Variants in DIP2B observed in about 807,000 individuals in gnomAD.
The protein encoded by DIP2B is DIP2 acetate--CoA ligase B (putative).
A neutral mutation model predicts 198.0 loss-of-function variants in DIP2B; 76 were observed. The observed-to-expected ratio is 0.38, with a 90% CI of 0.32 to 0.46. DIP2B has a LOEUF of 0.46. Ranked by LOEUF, DIP2B falls within the 20% of genes least tolerant of loss-of-function variation. The pLI is 0.99. For synonymous variants in DIP2B, 701 were observed against 739.1 expected, an observed-to-expected ratio of 0.95 and a Z score of 0.84; for missense variants, 1,559 against 1,978.4, an observed-to-expected ratio of 0.79 and a Z score of 4.02.
chr12:50,718,945 A>G lies in DIP2B; in HGVS notation c.2962-10A>G. The G allele has an allele frequency of 6.2e-7, 1 of 1,614,098 alleles. No homozygotes were observed. The highest frequency in any genetic ancestry group is 8.5e-7 in the Non-Finnish European group (1 of 1,180,008). ...TGACCCTGAGTCCTTTTTCTGGTTT[A>G]TGACTTCAGCACCAGTTTCTGGCAG... is the stretch of plus-strand genomic sequence containing the variant. On this transcript the variant is annotated splice_polypyrimidine_tract_variant and intron_variant, in intron 24 of 37. Coordinates refer to ENST00000301180, the MANE Select transcript of DIP2B (RefSeq NM_173602.3).
At chr12:50,578,586 C>G (rs1958684957) in intron 1 of DIP2B, among the ~76,000 whole-genome samples, 1 of 146,178 alleles carries the variant, frequency 6.8e-6, no homozygotes, top group Non-Finnish European at 1.5e-5. Context: ...CGGCTCACTG[C>G]AAGCTCGGCC....
At chr12:50,572,176 T>A (rs2139409041) in intron 1 of DIP2B, among the ~76,000 whole-genome samples, 1 of 152,340 alleles carries the variant, frequency 6.6e-6, no homozygotes, top group African/African-American at 2.4e-5. Flanking sequence ...TTTTACTTTA[T>A]CCTCATGTGT....
intron 4 of DIP2B, among the ~76,000 whole-genome samples, chr12:50,670,267 T>C (rs975336927): frequency 2.6e-5 from 4 of 151,936 alleles, no homozygotes; most frequent in Admixed American, 6.6e-5. Flanking sequence ...ACTGATGCTG[T>C]GCCTTCTCCT....
In DIP2B at chr12:50,727,683, GT is replaced by G. The variant is rs770516758; in HGVS notation, c.3401-14del. On this transcript the variant is annotated intron_variant, in intron 28 of 37. Coordinates refer to ENST00000301180, the MANE Select transcript of DIP2B (RefSeq NM_173602.3). Reference sequence around the variant, plus strand: ...TTCCAGCATGTTGGATTGACATCAGGTTTTTTCTTTTCATGGCAGATGATTT... The same window carrying G: ...TTCCAGCATGTTGGATTGACATCAGGTTTTTCTTTTCATGGCAGATGATTT... 26 of 1,605,746 alleles carry G rather than the reference GT, an allele frequency of 1.6e-5. 1 individual carries two copies. The highest frequency in any genetic ancestry group is 5.0e-5 in the Admixed American group (3 of 59,870).
At chr12:50,614,904 A>C (rs751063858) in intron 1 of DIP2B, among the ~76,000 whole-genome samples, 23 of 152,232 alleles carry the variant, frequency 1.5e-4, no homozygotes, top group Non-Finnish European at 3.2e-4. Flanking sequence ...TTTCCAGAGC[A>C]GTATGAATTG....
intron 17 of DIP2B, among the ~76,000 whole-genome samples, chr12:50,698,024 AG>A (rs1249491420): frequency 6.6e-6 from 1 of 151,988 alleles, no homozygotes; most frequent in Non-Finnish European, 1.5e-5. Context: ...CCTCCCAAGT[AG>A]CTGGGACTAC....
At chr12:50,558,059 A>G (rs764490700) in intron 1 of DIP2B, among the ~76,000 whole-genome samples, 104 of 150,110 alleles carry the variant, frequency 6.9e-4, no homozygotes, top group Non-Finnish European at 1.4e-3. Context: ...TGTCAACACA[A>G]TGCAATATAA....
At chr12:50,706,771 G>A in intron 21 of DIP2B, 106 bp downstream of exon 21, 1 of 1,350,516 alleles carries the variant, frequency 7.4e-7, no homozygotes, top group Non-Finnish European at 1.0e-6. Flanking sequence ...CAAGTGATCA[G>A]ATTGTTTTTG....
chr12:50,562,629 A>G (rs1218452513), intron 1 of DIP2B, among the ~76,000 whole-genome samples: 1 of 151,774 alleles, frequency 6.6e-6, no homozygotes, highest in East Asian at 1.9e-4. Flanking sequence ...GCTACTGGAG[A>G]GGCTGAGATG....
At chr12:50,505,890 G>C (rs763877491) in intron 1 of DIP2B, among the ~76,000 whole-genome samples, 11 of 151,554 alleles carry the variant, frequency 7.3e-5, no homozygotes, top group Non-Finnish European at 1.3e-4. Flanking sequence ...CCTGTTATTC[G>C]GGCCGAATTT....
At chr12:50,538,012 G>A (rs1958285715) in intron 1 of DIP2B, among the ~76,000 whole-genome samples, 3 of 152,110 alleles carry the variant, frequency 2.0e-5, no homozygotes, top group Admixed American at 1.3e-4. Flanking sequence ...AACAAGGATG[G>A]ATTCAAAAGA....
intron 3 of DIP2B, among the ~76,000 whole-genome samples, chr12:50,654,356 C>CTT (rs762869779): frequency 5.3e-5 from 7 of 131,516 alleles, no homozygotes; most frequent in Admixed American, 2.3e-4. Context: ...TTCTTTCTTT[C>CTT]TTTTTTTTTT....
Position 50,612,870 on chromosome 12 carries a change from C to G in DIP2B, c.101-13106C>G, listed in dbSNP as rs7310500. 4.0e-3 allele frequency among the ~76,000 whole-genome samples: 608 copies of G among 152,316 alleles called. 5 individuals carry two copies. The highest frequency in any genetic ancestry group is 0.014 in the African/African-American group (571 of 41,564). Reference sequence around the variant, plus strand: ...CTGGATCATTGCTTCCTTCCATCCTCTTTTCCTGTTACACCCCAGCTCTAT... The same window carrying G: ...CTGGATCATTGCTTCCTTCCATCCTGTTTTCCTGTTACACCCCAGCTCTAT... On this transcript the variant is annotated intron_variant, in intron 1 of 37. Transcript: ENST00000301180.
intron 28 of DIP2B, 62 bp from the exon 29 acceptor site, chr12:50,727,641 G>A (rs1939960841): frequency 6.8e-7 from 1 of 1,481,002 alleles, no homozygotes; most frequent in African/African-American, 1.4e-5. Context: ...AGCCACAGAA[G>A]AGCAATGATT....
intron 1 of DIP2B, among the ~76,000 whole-genome samples, chr12:50,617,627 G>A (rs1311326667): frequency 6.6e-6 from 1 of 151,910 alleles, no homozygotes; most frequent in African/African-American, 2.4e-5. Context: ...TGGCCAACAT[G>A]GTGAAACCCT....
At position 50,659,934 on chromosome 12, in the gene DIP2B, CTT is replaced by C. The variant is rs1234853726; in HGVS notation, c.302-258_302-257del. On this transcript the variant is annotated intron_variant, in intron 3 of 37. Coordinates refer to ENST00000301180, the MANE Select transcript of DIP2B (RefSeq NM_173602.3). ...CCACCTCCCCACATCTCTGTCAACT[CTT>C]TGTCTGGTGTGTTAAGGAGTCACAC... 1.1e-4 allele frequency among the ~76,000 whole-genome samples: 16 copies of C among 152,118 alleles called. 1 individual carries two copies. The highest frequency in any genetic ancestry group is 1.2e-4 in the Non-Finnish European group (8 of 68,016).
chr12:50,730,381 TC>T (rs1209535247), intron 30 of DIP2B, among the ~76,000 whole-genome samples: 119 of 57,592 alleles, frequency 2.1e-3, no homozygotes, highest in Middle Eastern at 0.011. Context: ...TCTCTCTCTC[TC>T]TTTTTTTTTT....
At chr12:50,732,847 G>A (rs572873980) in intron 32 of DIP2B, among the ~76,000 whole-genome samples, 23 of 152,228 alleles carry the variant, frequency 1.5e-4, no homozygotes, top group Middle Eastern at 3.4e-3. Flanking sequence ...TCATGATGAC[G>A]AGTCACAAAG....
At chr12:50,733,059 C>T (rs1309412368) in intron 32 of DIP2B, among the ~76,000 whole-genome samples, 2 of 151,926 alleles carry the variant, frequency 1.3e-5, no homozygotes, top group Admixed American at 6.6e-5. Context: ...GCGTGTACCA[C>T]CACGCCCGGC....
Sources: allele counts gnomAD v4.1 joint callset (sites outside exome capture counted in the v4.1 genomes callset), GRCh38; gene constraint gnomAD v4.1.1; transcripts MANE v1.5; gene names NCBI Gene and HGNC (gene_info 2026-07-23, HGNC 2026-07-21).